ADGRB3: variants seen among roughly 807,000 people sequenced by gnomAD.
The protein encoded by ADGRB3 is adhesion G protein-coupled receptor B3.
Under a neutral mutation model 193.4 loss-of-function variants are expected in ADGRB3, and 37 were observed. That is an observed-to-expected ratio of 0.19 (90% confidence interval 0.15 to 0.25). The LOEUF (loss-of-function observed/expected upper bound fraction) is 0.25. Among genes scored for constraint, ADGRB3 ranks in the 10% least tolerant of loss-of-function variants. The probability of loss-of-function intolerance (pLI) is 1.00; values close to 1 mark genes in which losing one functional copy is unlikely to be tolerated. For synonymous variants in ADGRB3, 690 were observed against 644.2 expected, an observed-to-expected ratio of 1.07 and a Z score of -1.08; for missense variants, 1,637 against 1,852.9, an observed-to-expected ratio of 0.88 and a Z score of 2.14.
At chr6:69,234,421 GA>G (rs148502856) in intron 18 of ADGRB3, among the ~76,000 whole-genome samples, 2 of 151,584 alleles carry the variant, frequency 1.3e-5, no homozygotes, top group African/African-American at 4.8e-5. Flanking sequence ...TTTGTTCATT[GA>G]AAAAAAATCA....
chr6:68,956,072 C>T lies in ADGRB3; in HGVS notation c.1244C>T (p.Thr415Met), dbSNP rs200369422. 3.8e-5 allele frequency: 61 copies of T among 1,613,856 alleles called. No individual in the cohort carries two copies. In the East Asian group the frequency reaches 1.1e-3, roughly 30 times the overall value. ...EWSSWSQCSV[T>M]CSNGTQQRSR... Reference sequence around the variant, plus strand: ...AGTTCGTGGAGCCAGTGCTCAGTAACGTGCTCGAATGGGACTCAGCAGAGA... The same window carrying T: ...AGTTCGTGGAGCCAGTGCTCAGTAATGTGCTCGAATGGGACTCAGCAGAGA... The change falls in exon 7 of 32, where the codon ACG becomes ATG. Residue 415 changes from threonine to methionine, a missense_variant. Around this residue, in one of 7 missense-constraint regions of ADGRB3, gnomAD observed 641 missense variants for 673.9 expected, o/e 0.95. Coordinates refer to ENST00000370598, the MANE Select transcript of ADGRB3 (RefSeq NM_001704.3).
At chr6:69,348,451 A>C (rs2127324814) in intron 26 of ADGRB3, among the ~76,000 whole-genome samples, 1 of 149,182 alleles carries the variant, frequency 6.7e-6, no homozygotes, top group South Asian at 2.1e-4. Flanking sequence ...GTTCAAGACC[A>C]GCCTGGCCAA....
intron 20 of ADGRB3, among the ~76,000 whole-genome samples, chr6:69,257,251 T>G (rs866566540): frequency 6.6e-6 from 1 of 152,224 alleles, no homozygotes; most frequent in Non-Finnish European, 1.5e-5. Flanking sequence ...TCTTTTTCTA[T>G]TGATTGGAAT....
chr6:68,955,981 A>G lies in ADGRB3; in HGVS notation c.1196-43A>G, dbSNP rs758049490. The G allele has an allele frequency of 1.1e-5, 18 of 1,595,056 alleles. No individual in the cohort carries two copies. In the African/African-American group the frequency reaches 1.5e-4, roughly 13 times the overall value. Reference sequence around the variant, plus strand: ...AGGTACTTTCTGTACAGCTTGTCCTATTGGAAGATATCCTCATGCTGTCTC... The same window carrying G: ...AGGTACTTTCTGTACAGCTTGTCCTGTTGGAAGATATCCTCATGCTGTCTC... On this transcript the variant is annotated intron_variant, in intron 6 of 31. Coordinates refer to ENST00000370598, the MANE Select transcript of ADGRB3 (RefSeq NM_001704.3).
chr6:69,088,383 T>G (rs777579804), intron 17 of ADGRB3, among the ~76,000 whole-genome samples: 5 of 152,124 alleles, frequency 3.3e-5, no homozygotes, highest in Non-Finnish European at 5.9e-5. Flanking sequence ...TGTTGTTGTT[T>G]TTGTTTTGAG....
chr6:68,675,169 G>A (rs1216100896), intron 3 of ADGRB3, among the ~76,000 whole-genome samples: 2 of 152,170 alleles, frequency 1.3e-5, no homozygotes, highest in African/African-American at 4.8e-5. Flanking sequence ...GTTAGAAAGG[G>A]CAGGAGAAGC....
chr6:69,254,284 G>A (rs1466231636), intron 20 of ADGRB3, among the ~76,000 whole-genome samples: 4 of 152,058 alleles, frequency 2.6e-5, no homozygotes, highest in African/African-American at 9.7e-5. Context: ...TTGCTCTTTT[G>A]CCTATTAATT....
At chr6:69,101,490 A>C (rs901669103) in intron 17 of ADGRB3, among the ~76,000 whole-genome samples, 7 of 146,988 alleles carry the variant, frequency 4.8e-5, no homozygotes, top group African/African-American at 1.5e-4. Flanking sequence ...AAAAAGGAGA[A>C]TACAAGAAGC....
intron 3 of ADGRB3, among the ~76,000 whole-genome samples, chr6:68,713,207 C>A (rs1765433996): frequency 6.6e-6 from 1 of 151,820 alleles, no homozygotes; most frequent in African/African-American, 2.4e-5. Context: ...GCTGAGAGAT[C>A]AATGGATTAG....
At chr6:69,228,515 A>G (rs957606048) in intron 17 of ADGRB3, among the ~76,000 whole-genome samples, 3 of 152,212 alleles carry the variant, frequency 2.0e-5, no homozygotes, top group Non-Finnish European at 4.4e-5. Context: ...AATTCCTGGA[A>G]CTAGCTAATT....
chr6:69,011,511 C>T (rs1276176143), intron 11 of ADGRB3, among the ~76,000 whole-genome samples: 1 of 151,814 alleles, frequency 6.6e-6, no homozygotes, highest in Admixed American at 6.6e-5. Flanking sequence ...GAAGGAGCTA[C>T]AAACCTAACT....
chr6:68,787,233 G>C (rs1478872274), intron 3 of ADGRB3, among the ~76,000 whole-genome samples: 1 of 152,086 alleles, frequency 6.6e-6, no homozygotes, highest in Non-Finnish European at 1.5e-5. Context: ...TCTTGTGCCA[G>C]TTTTCAAAGG....
chr6:69,203,783 A>G (rs1765482706), intron 17 of ADGRB3, among the ~76,000 whole-genome samples: 1 of 152,152 alleles, frequency 6.6e-6, no homozygotes, highest in African/African-American at 2.4e-5. Context: ...AGACCAGGAA[A>G]TTCTTTTGAA....
intron 17 of ADGRB3, among the ~76,000 whole-genome samples, chr6:69,108,748 A>AT (rs1056336625): frequency 1.3e-5 from 2 of 152,208 alleles, no homozygotes; most frequent in Non-Finnish European, 2.9e-5. Context: ...ATTTGGAAAA[A>AT]TGCTGGAAAA....
chr6:69,063,730 C>G (rs1316047192), intron 16 of ADGRB3, among the ~76,000 whole-genome samples: 1 of 151,964 alleles, frequency 6.6e-6, no homozygotes, highest in East Asian at 1.9e-4. Context: ...ATTCTTAAAT[C>G]TATCCAACTG....
chr6:68,650,689 G>A (rs1016281898), intron 3 of ADGRB3, among the ~76,000 whole-genome samples: 1 of 152,080 alleles, frequency 6.6e-6, no homozygotes, highest in South Asian at 2.1e-4. Flanking sequence ...ATGTATTTTT[G>A]TGTATCTTCT....
chr6:69,122,703 A>T (rs1305656558), intron 17 of ADGRB3, among the ~76,000 whole-genome samples: 1 of 151,990 alleles, frequency 6.6e-6, no homozygotes, highest in African/African-American at 2.4e-5. Flanking sequence ...GCAAGAAAGG[A>T]TATTCAAGCT....
intron 3 of ADGRB3, among the ~76,000 whole-genome samples, chr6:68,740,375 T>C (rs1423513229): frequency 1.3e-5 from 2 of 152,192 alleles, no homozygotes; most frequent in Non-Finnish European, 2.9e-5. Context: ...CTGGGCAATA[T>C]AGTGAGACCT....
chr6:69,387,781 T>C (rs1770106286), intron 31 of ADGRB3, among the ~76,000 whole-genome samples: 1 of 152,108 alleles, frequency 6.6e-6, no homozygotes, highest in East Asian at 1.9e-4. Flanking sequence ...TGAGTGGAGT[T>C]TGGATAGTAA....
Sources: allele counts gnomAD v4.1 joint callset (sites outside exome capture counted in the v4.1 genomes callset), GRCh38; gene constraint gnomAD v4.1.1; regional missense constraint gnomAD v4.1.1; transcripts MANE v1.5; gene names NCBI Gene and HGNC (gene_info 2026-07-23, HGNC 2026-07-21).